The following ATP8A1 variants were observed in gnomAD, a reference collection of about 807,000 sequenced individuals.
ATP8A1 encodes the protein ATPase phospholipid transporting 8A1, also known as phospholipid-transporting ATPase IA.
A neutral mutation model predicts 177.7 loss-of-function variants in ATP8A1; 90 were observed. The observed-to-expected ratio is 0.51, with a 90% CI of 0.43 to 0.60. The LOEUF is 0.60. ATP8A1 is among the 20% of genes least tolerant of loss of function. The pLI, the probability that ATP8A1 is intolerant of heterozygous loss-of-function variation, is 0.00. For synonymous variants in ATP8A1, 493 were observed against 485.9 expected, an observed-to-expected ratio of 1.01 and a Z score of -0.19; for missense variants, 1,072 against 1,392.8, an observed-to-expected ratio of 0.77 and a Z score of 3.67.
intron 33 of ATP8A1, among the ~76,000 whole-genome samples, chr4:42,431,831 C>G (rs1276065247): frequency 6.6e-6 from 1 of 152,208 alleles, no homozygotes; most frequent in African/African-American, 2.4e-5. Context: ...TCTCTTGTCT[C>G]CTCCTAGGTC....
chr4:42,654,264 ATATT>A (rs1394338190), intron 1 of ATP8A1, among the ~76,000 whole-genome samples: 1 of 152,176 alleles, frequency 6.6e-6, no homozygotes, highest in African/African-American at 2.4e-5. Context: ...AGCATGCACA[ATATT>A]TAATTAACAA....
At chr4:42,541,279 A>G (rs1728361751) in intron 20 of ATP8A1, among the ~76,000 whole-genome samples, 1 of 152,240 alleles carries the variant, frequency 6.6e-6, no homozygotes, top group Admixed American at 6.5e-5. Context: ...AAAAATGTTC[A>G]ACATCATATT....
chr4:42,432,059 T>C (rs1715368519), intron 33 of ATP8A1, among the ~76,000 whole-genome samples: 1 of 152,214 alleles, frequency 6.6e-6, no homozygotes, highest in Admixed American at 6.5e-5. Flanking sequence ...AGGTGCATTT[T>C]GTGTTGCTGT....
intron 1 of ATP8A1, among the ~76,000 whole-genome samples, chr4:42,636,173 T>A: frequency 1.3e-5 from 1 of 78,778 alleles, no homozygotes; most frequent in African/African-American, 4.5e-5. Flanking sequence ...CACACACACA[T>A]AAGCTTCTTA....
At chr4:42,641,757 G>C (rs911043657) in intron 1 of ATP8A1, among the ~76,000 whole-genome samples, 1 of 152,170 alleles carries the variant, frequency 6.6e-6, no homozygotes, top group Non-Finnish European at 1.5e-5. Flanking sequence ...AAAGTTATCT[G>C]AATCATTACA....
At chr4:42,498,128 A>G (rs1723468803) in intron 24 of ATP8A1, among the ~76,000 whole-genome samples, 5 of 152,236 alleles carry the variant, frequency 3.3e-5, no homozygotes, top group Admixed American at 3.3e-4. Flanking sequence ...AATACAAAAT[A>G]TATTGTATGA....
rs116266532 is a variant in ATP8A1, at chr4:42,483,278, T to C, written c.2324+2218A>G. ...TGATGTAATTATGGGCTTAGACCAA[T>C]TCTCAAACATGCCAGAAGCTGAACC... On this transcript the variant is annotated intron_variant, in intron 25 of 36. Coordinates refer to ENST00000381668, the MANE Select transcript of ATP8A1 (RefSeq NM_006095.2). 4.1e-3 allele frequency among the ~76,000 whole-genome samples: 624 copies of C among 151,780 alleles called. 2 individuals carry two copies. The highest frequency in any genetic ancestry group is 7.8e-3 in the Admixed American group (119 of 15,236).
chr4:42,546,364 AGGTG>A (rs1728920904), intron 19 of ATP8A1, among the ~76,000 whole-genome samples: 1 of 145,794 alleles, frequency 6.9e-6, no homozygotes, highest in Non-Finnish European at 1.5e-5. Flanking sequence ...TCTCACTTAC[AGGTG>A]GGAATTGAAC....
In ATP8A1 at chr4:42,485,561, T is replaced by C; in HGVS notation, c.2259A>G (p.Leu753=). The change falls in exon 25 of 37, where the codon TTA becomes TTG. Residue 753 remains leucine, a synonymous_variant. Coordinates refer to ENST00000381668, the MANE Select transcript of ATP8A1 (RefSeq NM_006095.2). ...IIDGKTLKYA[L]TFGVRQYFLD... ...GGAAATACTGTCGTACTCCAAAGGT[T>C]AAGGCATATTTGAGGGTTTTCCCAT... 1 of 1,613,872 alleles carries C rather than the reference T, an allele frequency of 6.2e-7. No homozygotes were observed. Among genetic ancestry groups the C allele is most frequent in the Non-Finnish European group, 8.5e-7 (1 of 1,179,832 alleles).
At chr4:42,557,919 C>T (rs1288177076) in intron 15 of ATP8A1, among the ~76,000 whole-genome samples, 2 of 151,908 alleles carry the variant, frequency 1.3e-5, no homozygotes, top group Non-Finnish European at 2.9e-5. Context: ...CCCAGCTACT[C>T]GGGAGGCTGA....
intron 27 of ATP8A1, among the ~76,000 whole-genome samples, chr4:42,460,291 C>T (rs772938282): frequency 5.9e-5 from 9 of 151,402 alleles, no homozygotes; most frequent in Non-Finnish European, 1.0e-4. Flanking sequence ...CAGCCCCCAA[C>T]GAAAGTGTCA....
chr4:42,455,612 A>C lies in ATP8A1; in HGVS notation c.2620-13T>G, dbSNP rs200841386. On this transcript the variant is annotated splice_polypyrimidine_tract_variant and intron_variant, in intron 27 of 36. Coordinates refer to ENST00000381668, the MANE Select transcript of ATP8A1 (RefSeq NM_006095.2). ...AGGCAAACCAGATCTAGGAAAAAAAACCCAAAACCCCCAAATTAGAATACA... is the reference window on the plus strand; with the variant it reads ...AGGCAAACCAGATCTAGGAAAAAAACCCCAAAACCCCCAAATTAGAATACA... 1,528 of 1,609,440 alleles carry C rather than the reference A, an allele frequency of 9.5e-4. 14 individuals are homozygous for C. The South Asian group carries it at 0.014, about 14-fold the overall frequency.
At chr4:42,483,451 T>C (rs1369399778) in intron 25 of ATP8A1, among the ~76,000 whole-genome samples, 1 of 150,378 alleles carries the variant, frequency 6.6e-6, no homozygotes. Context: ...TCTTGAAACA[T>C]GCATAAAACA....
At chr4:42,504,290 T>C (rs1365733933) in intron 23 of ATP8A1, among the ~76,000 whole-genome samples, 2 of 152,124 alleles carry the variant, frequency 1.3e-5, no homozygotes, top group African/African-American at 4.8e-5. Flanking sequence ...CGCAGACACT[T>C]ACATAGGAAG....
chr4:42,608,346 C>A (rs1736024117), intron 5 of ATP8A1, among the ~76,000 whole-genome samples: 2 of 150,750 alleles, frequency 1.3e-5, no homozygotes, highest in South Asian at 4.2e-4. Context: ...GGGGTGCCCT[C>A]CCCGGGCAAT....
intron 34 of ATP8A1, 63 bp from the exon 35 acceptor site, chr4:42,422,962 G>A (rs1190864199): frequency 7.6e-7 from 1 of 1,311,816 alleles, no homozygotes; most frequent in African/African-American, 1.5e-5. Context: ...TACAAAACTA[G>A]ATGTCTGGCT....
chr4:42,590,984 T>C, intron 6 of ATP8A1, 100 bp from the exon 7 acceptor site: 1 of 1,072,022 alleles, frequency 9.3e-7, no homozygotes, highest in East Asian at 2.5e-5. Flanking sequence ...AGTTCGAAAT[T>C]ATTATAGAAA....
At chr4:42,539,143 A>C (rs1728130259) in intron 20 of ATP8A1, among the ~76,000 whole-genome samples, 1 of 152,170 alleles carries the variant, frequency 6.6e-6, no homozygotes, top group Non-Finnish European at 1.5e-5. Context: ...ATTCTAAGTG[A>C]AGTAACTCAG....
At chr4:42,628,003 CAAAACACTTACCAG>C (rs1474175173) in intron 1 of ATP8A1, among the ~76,000 whole-genome samples, 2 of 152,146 alleles carry the variant, frequency 1.3e-5, no homozygotes, top group African/African-American at 4.8e-5. Context: ...CACTCTTCAG[CAAAACACTTACCAG>C]AAGGTTTTGT....
Sources: gnomAD v4.1 joint callset for allele counts (sites outside exome capture counted in the v4.1 genomes callset) on GRCh38, gnomAD v4.1.1 for gene constraint, MANE v1.5 for transcripts, NCBI Gene and HGNC (gene_info 2026-07-23, HGNC 2026-07-21) for gene names.